The following ZNF804B variants were observed in gnomAD, a reference collection of about 807,000 sequenced individuals.
The protein encoded by ZNF804B is zinc finger 804B.
Under a neutral mutation model 101.4 loss-of-function variants are expected in ZNF804B, and 80 were observed. The ratio of observed to expected loss-of-function variants is 0.79; its 90% CI spans 0.66 to 0.95. The LOEUF is 0.95. Among genes scored for constraint, ZNF804B ranks in the 40% least tolerant of loss-of-function variants. ZNF804B has a pLI of 0.00. For synonymous variants in ZNF804B, 622 were observed against 558.8 expected, an observed-to-expected ratio of 1.11 and a Z score of -1.59; for missense variants, 1,673 against 1,561.9, an observed-to-expected ratio of 1.07 and a Z score of -1.20.
intron 1 of ZNF804B, among the ~76,000 whole-genome samples, chr7:88,872,237 A>G (rs534763433): frequency 6.6e-6 from 1 of 152,274 alleles, no homozygotes; most frequent in Non-Finnish European, 1.5e-5. Context: ...TATTACACAG[A>G]TAAATAATGG....
chr7:89,138,321 T>A (rs1371251465), intron 1 of ZNF804B, among the ~76,000 whole-genome samples: 1 of 152,184 alleles, frequency 6.6e-6, no homozygotes, highest in East Asian at 1.9e-4. Context: ...GTGTGACCTC[T>A]TGCTTCAGCG....
intron 2 of ZNF804B, among the ~76,000 whole-genome samples, chr7:89,234,816 G>A (rs1789255472): frequency 6.6e-6 from 1 of 152,076 alleles, no homozygotes; most frequent in African/African-American, 2.4e-5. Context: ...CTCAGACTGG[G>A]AGATGCACTG....
Position 89,329,954 on chromosome 7 carries a change from A to T in ZNF804B, c.380+2480A>T, listed in dbSNP as rs140035430. 4.3e-3 allele frequency among the ~76,000 whole-genome samples: 654 copies of T among 151,698 alleles called. 4 individuals carry two copies. Among genetic ancestry groups the T allele is most frequent in the African/African-American group, 0.015 (626 of 41,470 alleles). ...ATGTTTTTCTTTCTGTTTGGTAAGG[A>T]TGCTTTTTGAACAGGAGAGAATCAA... On this transcript the variant is annotated intron_variant, in intron 3 of 3. Transcript: ENST00000333190.
At chr7:89,203,601 T>G (rs4355708) in intron 1 of ZNF804B, among the ~76,000 whole-genome samples, 1,673 of 152,258 alleles carry the variant, frequency 0.011, 46 homozygotes, top group East Asian at 0.097. Context: ...AGTTTGAAAT[T>G]AAATTACCCA....
At chr7:88,985,115 A>G (rs1793741636) in intron 1 of ZNF804B, among the ~76,000 whole-genome samples, 2 of 152,084 alleles carry the variant, frequency 1.3e-5, no homozygotes, top group South Asian at 2.1e-4. Context: ...GACTGTATCT[A>G]TTTTAGAAGC....
At chr7:88,836,142 T>C (rs1003545204) in intron 1 of ZNF804B, among the ~76,000 whole-genome samples, 1 of 151,858 alleles carries the variant, frequency 6.6e-6, no homozygotes, top group African/African-American at 2.4e-5. Context: ...GTCATACACA[T>C]TAATTAGTTA....
At chr7:88,926,503 G>A (rs926094584) in intron 1 of ZNF804B, among the ~76,000 whole-genome samples, 3 of 152,036 alleles carry the variant, frequency 2.0e-5, no homozygotes, top group Non-Finnish European at 4.4e-5. Context: ...GCTGAGGTGG[G>A]CTGAGGTGGG....
chr7:89,071,601 C>T, intron 1 of ZNF804B, among the ~76,000 whole-genome samples: 1 of 152,082 alleles, frequency 6.6e-6, no homozygotes, highest in East Asian at 1.9e-4. Context: ...AACTTATAGC[C>T]TATTTTCTGA....
chr7:89,084,293 C>A (rs1217758129), intron 1 of ZNF804B, among the ~76,000 whole-genome samples: 1 of 151,832 alleles, frequency 6.6e-6, no homozygotes, highest in Non-Finnish European at 1.5e-5. Flanking sequence ...TTAGAATCAG[C>A]AAGCTGATTG....
intron 1 of ZNF804B, among the ~76,000 whole-genome samples, chr7:89,052,805 A>G (rs1459352894): frequency 6.6e-6 from 1 of 152,144 alleles, no homozygotes; most frequent in Admixed American, 6.6e-5. Flanking sequence ...CAGATTTTCT[A>G]TGAAAACTGA....
intron 1 of ZNF804B, among the ~76,000 whole-genome samples, chr7:89,144,782 A>C (rs1187770435): frequency 2.0e-5 from 3 of 152,058 alleles, no homozygotes; most frequent in Non-Finnish European, 4.4e-5. Flanking sequence ...ACATATATCA[A>C]AATGTCACAT....
chr7:88,830,184 C>T (rs1355811944), intron 1 of ZNF804B, among the ~76,000 whole-genome samples: 4 of 152,056 alleles, frequency 2.6e-5, no homozygotes, highest in African/African-American at 9.7e-5. Flanking sequence ...AAGAATTAGA[C>T]TGGGGCTTGT....
intron 1 of ZNF804B, among the ~76,000 whole-genome samples, chr7:88,768,226 C>G (rs1216711728): frequency 6.6e-6 from 1 of 152,166 alleles, no homozygotes; most frequent in Non-Finnish European, 1.5e-5. Flanking sequence ...TCCACCTAGT[C>G]ATTGACTTCA....
intron 1 of ZNF804B, among the ~76,000 whole-genome samples, chr7:89,179,318 A>T (rs969628424): frequency 1.3e-5 from 2 of 152,050 alleles, no homozygotes; most frequent in African/African-American, 4.8e-5. Context: ...GCTACTTCCT[A>T]CATTCGTAGG....
At chr7:89,310,896 A>G (rs1030040654) in intron 2 of ZNF804B, among the ~76,000 whole-genome samples, 9 of 152,216 alleles carry the variant, frequency 5.9e-5, no homozygotes, top group Admixed American at 2.6e-4. Flanking sequence ...CAGCCTGCCA[A>G]ATAAAGACGG....
chr7:89,288,000 T>G (rs1310452141), intron 2 of ZNF804B, among the ~76,000 whole-genome samples: 1 of 151,466 alleles, frequency 6.6e-6, no homozygotes, highest in Admixed American at 6.6e-5. Flanking sequence ...AGTATATCAT[T>G]ACAATGTTCA....
At chr7:88,826,287 T>C (rs928311723) in intron 1 of ZNF804B, among the ~76,000 whole-genome samples, 4 of 152,166 alleles carry the variant, frequency 2.6e-5, no homozygotes, top group Non-Finnish European at 5.9e-5. Flanking sequence ...TCACATAATA[T>C]ATCCTACTCA....
chr7:89,034,738 T>G (rs1450865380), intron 1 of ZNF804B, among the ~76,000 whole-genome samples: 2 of 152,228 alleles, frequency 1.3e-5, no homozygotes, highest in Non-Finnish European at 2.9e-5. Flanking sequence ...TATAGTGGAA[T>G]GATTTATAAT....
chr7:88,865,663 C>T (rs1467594834), intron 1 of ZNF804B, among the ~76,000 whole-genome samples: 1 of 152,134 alleles, frequency 6.6e-6, no homozygotes, highest in African/African-American at 2.4e-5. Context: ...ACTTTTGTTC[C>T]ATGTGTCTAT....
Sources: allele counts gnomAD v4.1 joint callset (sites outside exome capture counted in the v4.1 genomes callset), GRCh38; gene constraint gnomAD v4.1.1; transcripts MANE v1.5; gene names NCBI Gene and HGNC (gene_info 2026-07-23, HGNC 2026-07-21).